Variants in HSDL1 observed in about 807,000 individuals in gnomAD.
HSDL1 encodes the protein inactive hydroxysteroid dehydrogenase-like protein 1.
A neutral mutation model predicts 31.5 loss-of-function variants in HSDL1; 29 were observed. That is an observed-to-expected ratio of 0.92 (90% CI 0.69 to 1.26). The LOEUF (loss-of-function observed/expected upper bound fraction) is 1.26. HSDL1 is among the 50% of genes most tolerant of loss of function. HSDL1 has a pLI of 0.00. For missense variants in HSDL1, 503 were observed against 416.6 expected (o/e 1.21, Z -1.81); for synonymous variants, 222 against 155.2 (o/e 1.43, Z -3.20).
chr16:84,130,352 G>C lies in HSDL1; in HGVS notation c.300C>G (p.Asn100Lys). ...RGLNIILISRNEEKLQVVAKD... is the reference protein window; with the variant it reads ...RGLNIILISRKEEKLQVVAKD... ...TAGCAACAACCTGCAACTTCTCCTCGTTCCGACTAATCAGGATTATATTGA... is the reference window on the plus strand; with the variant it reads ...TAGCAACAACCTGCAACTTCTCCTCCTTCCGACTAATCAGGATTATATTGA... Residue 100 changes from asparagine to lysine, a missense_variant, in exon 4 of 6, where the codon AAC (asparagine) becomes AAG (lysine). Transcript: ENST00000219439. 6.2e-7 allele frequency: 1 copy of C among 1,614,102 alleles called. No individual in the cohort carries two copies. Among genetic ancestry groups the C allele is most frequent in the Non-Finnish European group, 8.5e-7 (1 of 1,180,016 alleles).
intron 2 of HSDL1, among the ~76,000 whole-genome samples, chr16:84,133,166 A>T (rs534253637): frequency 6.6e-6 from 1 of 152,224 alleles, no homozygotes; most frequent in South Asian, 2.1e-4. Flanking sequence ...AACGGAACAC[A>T]TACAAGAATG....
intron 1 of HSDL1, among the ~76,000 whole-genome samples, chr16:84,138,396 C>G (rs2086732663): frequency 6.6e-6 from 1 of 152,108 alleles, no homozygotes; most frequent in African/African-American, 2.4e-5. Context: ...AGCTAATGTA[C>G]AGTACAGTGA....
rs867585637 is a variant in HSDL1 at position 84,135,885 on chromosome 16, C to G, written c.-68-280G>C. 4.6e-5 allele frequency among the ~76,000 whole-genome samples: 7 copies of G among 152,338 alleles called. No individual in the cohort carries two copies. In the South Asian group the frequency reaches 1.4e-3, roughly 32 times the overall value. On this transcript the variant is annotated intron_variant, in intron 1 of 5. Coordinates refer to ENST00000219439, the MANE Select transcript of HSDL1 (RefSeq NM_031463.5). ...TTCCTATGCCTTTTTTCCTAGGGAACATTTCATCAAATGGGACAAAAGCCC... is the reference window on the plus strand; with the variant it reads ...TTCCTATGCCTTTTTTCCTAGGGAAGATTTCATCAAATGGGACAAAAGCCC...
chr16:84,127,999 T>G (rs1010480550), intron 5 of HSDL1, among the ~76,000 whole-genome samples: 40 of 148,258 alleles, frequency 2.7e-4, no homozygotes, highest in Middle Eastern at 3.4e-3. Context: ...GATTACAGGC[T>G]TGAGCCACCA....
chr16:84,135,102 G>A (rs1360527823), intron 2 of HSDL1, among the ~76,000 whole-genome samples: 4 of 151,970 alleles, frequency 2.6e-5, no homozygotes, highest in African/African-American at 9.7e-5. Flanking sequence ...GCGTGGTGGC[G>A]GGCACCTGTA....
chr16:84,125,624 A>G (rs1597370854), intron 5 of HSDL1, among the ~76,000 whole-genome samples: 2 of 152,368 alleles, frequency 1.3e-5, no homozygotes, highest in Non-Finnish European at 2.9e-5. Flanking sequence ...CAAAGGAAAA[A>G]GCCTCCAGGT....
intron 2 of HSDL1, among the ~76,000 whole-genome samples, chr16:84,131,781 G>T (rs374485227): frequency 1.3e-5 from 2 of 151,892 alleles, no homozygotes; most frequent in South Asian, 2.1e-4. Context: ...TGGGGTTCAC[G>T]CCATTCTCCT....
rs986516578 is a variant in HSDL1, at chr16:84,124,559, T to G, written c.*71A>C. On this transcript the variant is annotated 3_prime_UTR_variant, in exon 6 of 6. Transcript: ENST00000219439. ...AATGAAACACAGGAGATAAATTAAA[T>G]GTGTTTTTCCAAATGTCAGAATATC... 2 of 909,988 alleles carry G rather than the reference T, an allele frequency of 2.2e-6. No individual in the cohort carries two copies. Among genetic ancestry groups the G allele is most frequent in the African/African-American group, 3.3e-5 (2 of 61,214 alleles). 56.4% of individuals were successfully genotyped at this position (909,988 alleles called of 1,614,324 possible).
At chr16:84,137,952 G>C (rs922317083) in intron 1 of HSDL1, among the ~76,000 whole-genome samples, 5 of 151,686 alleles carry the variant, frequency 3.3e-5, no homozygotes, top group African/African-American at 9.8e-5. Context: ...CCTGTGCTAC[G>C]GTCTGAGCGT....
At chr16:84,127,758 G>A (rs1482967834) in intron 5 of HSDL1, among the ~76,000 whole-genome samples, 22 of 138,172 alleles carry the variant, frequency 1.6e-4, no homozygotes, top group African/African-American at 4.3e-4. Flanking sequence ...TTGCTCTGTC[G>A]TCCAGGCTGG....
intron 1 of HSDL1, among the ~76,000 whole-genome samples, chr16:84,140,491 C>T (rs1278844472): frequency 6.6e-6 from 1 of 152,080 alleles, no homozygotes; most frequent in African/African-American, 2.4e-5. Context: ...TCTTGAACTC[C>T]TGACCTCAAG....
intron 1 of HSDL1, among the ~76,000 whole-genome samples, chr16:84,142,303 C>G (rs189977670): frequency 1.2e-4 from 19 of 152,212 alleles, no homozygotes; most frequent in African/African-American, 4.3e-4. Flanking sequence ...GAAATCCCTC[C>G]TTAGCCTCAG....
Position 84,129,647 on chromosome 16 carries a change from G to A in HSDL1, c.795C>T (p.Cys265=). ...MTAPSNFLHR[C]SWLVPSPKVY... is the part of the protein sequence containing the mutation. ...CTTTTGGCGAAGGCACCAACCACGAGCACCTGTGCAGAAAGTTGCTGGGTG... is the reference window on the plus strand; with the variant it reads ...CTTTTGGCGAAGGCACCAACCACGAACACCTGTGCAGAAAGTTGCTGGGTG... Residue 265 remains cysteine (C), a synonymous_variant, in exon 5 of 6, where the codon TGC becomes TGT. Coordinates refer to ENST00000219439, the MANE Select transcript of HSDL1 (RefSeq NM_031463.5). 1.2e-6 allele frequency: 2 copies of A among 1,614,202 alleles called. No individual in the cohort carries two copies. The highest frequency in any genetic ancestry group is 1.7e-5 in the Admixed American group (1 of 60,024).
Position 84,135,844 on chromosome 16 carries a change from T to C in HSDL1, c.-68-239A>G, listed in dbSNP as rs185770009. ...CAGTCCATGCGTCCTCAGGCACAGCTGGAGGGTGCCCCCTTTTCCTATGCC... is the reference window on the plus strand; with the variant it reads ...CAGTCCATGCGTCCTCAGGCACAGCCGGAGGGTGCCCCCTTTTCCTATGCC... On this transcript the variant is annotated intron_variant, in intron 1 of 5. Coordinates refer to ENST00000219439, the MANE Select transcript of HSDL1 (RefSeq NM_031463.5). Among the ~76,000 whole-genome samples, 64 of 152,354 alleles carry C rather than the reference T, an allele frequency of 4.2e-4. No homozygotes were observed. In the East Asian group the frequency reaches 0.011, roughly 27 times the overall value.
At chr16:84,128,363 A>C (rs2086629465) in intron 5 of HSDL1, among the ~76,000 whole-genome samples, 2 of 152,164 alleles carry the variant, frequency 1.3e-5, no homozygotes, top group African/African-American at 4.8e-5. Flanking sequence ...ATATTGTAAT[A>C]GATAATTATG....
chr16:84,141,136 C>A (rs2086765891), intron 1 of HSDL1, among the ~76,000 whole-genome samples: 1 of 152,038 alleles, frequency 6.6e-6, no homozygotes, highest in African/African-American at 2.4e-5. Context: ...TGGTTTTGAA[C>A]CTCACATAAA....
At chr16:84,140,894 G>A (rs1228730226) in intron 1 of HSDL1, among the ~76,000 whole-genome samples, 2 of 152,064 alleles carry the variant, frequency 1.3e-5, no homozygotes, top group Non-Finnish European at 2.9e-5. Flanking sequence ...ACGAGGTCAG[G>A]AGATCGAGAC....
intron 1 of HSDL1, among the ~76,000 whole-genome samples, chr16:84,142,495 G>A (rs1404108107): frequency 7.1e-6 from 1 of 140,816 alleles, no homozygotes; most frequent in Non-Finnish European, 1.5e-5. Context: ...GAGTGCAATG[G>A]CGCGATCTTA....
intron 5 of HSDL1, among the ~76,000 whole-genome samples, chr16:84,128,106 T>C (rs1410622183): frequency 1.3e-5 from 2 of 151,394 alleles, no homozygotes; most frequent in Non-Finnish European, 2.9e-5. Flanking sequence ...CTGACCAACA[T>C]GGTGAAACTC....
Sources: gnomAD v4.1 joint callset for allele counts (sites outside exome capture counted in the v4.1 genomes callset) on GRCh38, gnomAD v4.1.1 for gene constraint, MANE v1.5 for transcripts, NCBI Gene and HGNC (gene_info 2026-07-23, HGNC 2026-07-21) for gene names.